The following LDLRAD4 variants were observed in gnomAD, a reference collection of about 807,000 sequenced individuals.
LDLRAD4 encodes the protein low density lipoprotein receptor class A domain containing 4, also known as low-density lipoprotein receptor class A domain-containing protein 4.
A neutral mutation model predicts 17.0 loss-of-function variants in LDLRAD4; 5 were observed. The observed-to-expected ratio is 0.29, with a 90% confidence interval of 0.15 to 0.62. The LOEUF (loss-of-function observed/expected upper bound fraction) is 0.62. Ranked by LOEUF, LDLRAD4 falls within the 20% of genes least tolerant of loss-of-function variation. The pLI is 0.84. For synonymous variants in LDLRAD4, 168 were observed against 171.8 expected (o/e 0.98, Z 0.17); for missense variants, 340 against 424.7 (o/e 0.80, Z 1.75).
At chr18:13,430,357 C>G (rs9960108) in intron 2 of LDLRAD4, among the ~76,000 whole-genome samples, 64,817 of 152,012 alleles carry the variant, frequency 0.43, 14,527 homozygotes, top group Non-Finnish European at 0.5. Flanking sequence ...GAAGGTTATG[C>G]GAGGTTAGTC....
At chr18:13,567,335 C>T (rs952998618) in intron 3 of LDLRAD4, among the ~76,000 whole-genome samples, 17 of 152,194 alleles carry the variant, frequency 1.1e-4, no homozygotes, top group Admixed American at 1.1e-3. Flanking sequence ...AGTAGCTGGA[C>T]TGAAGGCAGA....
intron 3 of LDLRAD4, among the ~76,000 whole-genome samples, chr18:13,606,819 C>T (rs1221715077): frequency 6.6e-6 from 1 of 152,154 alleles, no homozygotes; most frequent in Non-Finnish European, 1.5e-5. Context: ...AATTTTATAG[C>T]ATAGTCGTAA....
intron 2 of LDLRAD4, chr18:13,419,522 G>A (rs764527644): frequency 1.3e-5 from 2 of 152,080 alleles, no homozygotes; most frequent in Non-Finnish European, 2.9e-5. Context: ...AGTTCTTTAC[G>A]TGAATGATTT....
chr18:13,298,515 C>T (rs1488738091), intron 1 of LDLRAD4, among the ~76,000 whole-genome samples: 2 of 109,710 alleles, frequency 1.8e-5, no homozygotes, highest in Non-Finnish European at 3.5e-5. Flanking sequence ...GCTCTGGGCA[C>T]GGTGATGGGA....
At chr18:13,478,069 A>G (rs2092991088) in intron 3 of LDLRAD4, among the ~76,000 whole-genome samples, 1 of 152,178 alleles carries the variant, frequency 6.6e-6, no homozygotes, top group South Asian at 2.1e-4. Context: ...AAGAGTGGCA[A>G]GACAGTGTAT....
intron 1 of LDLRAD4, among the ~76,000 whole-genome samples, chr18:13,244,255 C>T (rs561165592): frequency 1.3e-5 from 2 of 151,276 alleles, no homozygotes; most frequent in African/African-American, 4.9e-5. Flanking sequence ...CTCACCCACT[C>T]ATTCTTCTAT....
intron 1 of LDLRAD4, among the ~76,000 whole-genome samples, chr18:13,219,616 T>C (rs2041339267): frequency 6.6e-6 from 1 of 152,138 alleles, no homozygotes; most frequent in African/African-American, 2.4e-5. Context: ...TTATTTGCAG[T>C]AGAGGTGGAT....
At chr18:13,256,814 C>A (rs986290223) in intron 1 of LDLRAD4, among the ~76,000 whole-genome samples, 1 of 152,192 alleles carries the variant, frequency 6.6e-6, no homozygotes, top group African/African-American at 2.4e-5. Flanking sequence ...ATGGAGGGAG[C>A]CCAGGCACGT....
intron 2 of LDLRAD4, among the ~76,000 whole-genome samples, chr18:13,390,301 G>A (rs188481845): frequency 2.0e-5 from 3 of 152,332 alleles, no homozygotes; most frequent in South Asian, 2.1e-4. Context: ...AGTGTGCCGG[G>A]AGCCGTGCTC....
At chr18:13,347,461 C>G (rs533807786) in intron 1 of LDLRAD4, among the ~76,000 whole-genome samples, 1 of 152,296 alleles carries the variant, frequency 6.6e-6, no homozygotes, top group East Asian at 1.9e-4. Flanking sequence ...TGATGGGCTT[C>G]CCTTTGTGGG....
intron 1 of LDLRAD4, among the ~76,000 whole-genome samples, chr18:13,382,944 T>A (rs890531128): frequency 6.6e-6 from 1 of 152,244 alleles, no homozygotes. Context: ...TGAGGGCATT[T>A]AAGTCAATGA....
At chr18:13,477,755 C>T (rs192116660) in intron 3 of LDLRAD4, among the ~76,000 whole-genome samples, 28 of 152,228 alleles carry the variant, frequency 1.8e-4, no homozygotes, top group Admixed American at 1.5e-3. Flanking sequence ...GAGCCATGTT[C>T]GCATTTTGGA....
At chr18:13,497,625 A>T (rs2093498809) in intron 3 of LDLRAD4, among the ~76,000 whole-genome samples, 1 of 152,176 alleles carries the variant, frequency 6.6e-6, no homozygotes, top group African/African-American at 2.4e-5. Context: ...GTTCACTAAG[A>T]CTTTGTAAGA....
chr18:13,529,111 T>A (rs748375509), intron 3 of LDLRAD4, among the ~76,000 whole-genome samples: 1 of 152,178 alleles, frequency 6.6e-6, no homozygotes, highest in Non-Finnish European at 1.5e-5. Flanking sequence ...AGATTAAAGA[T>A]GTGTAGGGAG....
chr18:13,473,638 TATATA>T (rs1236045825), intron 3 of LDLRAD4, among the ~76,000 whole-genome samples: 26 of 31,444 alleles, frequency 8.3e-4, no homozygotes, highest in Middle Eastern at 0.018. Context: ...TCCCATCTCA[TATATA>T]TATATATATA....
At chr18:13,644,882 C>T (rs2042930210) in intron 5 of LDLRAD4, 1 of 503,302 alleles carries the variant, frequency 2.0e-6, no homozygotes, top group East Asian at 3.3e-5. Context: ...TTACCCACAG[C>T]TCTCCATTGC....
chr18:13,642,384 G>A, intron 4 of LDLRAD4: 1 of 1,053,262 alleles, frequency 9.5e-7, no homozygotes, highest in Non-Finnish European at 1.1e-6. Context: ...GGGCTGAAAA[G>A]GGTACCACGC....
chr18:13,596,789 C>A (rs2095101508), intron 3 of LDLRAD4, among the ~76,000 whole-genome samples: 1 of 152,182 alleles, frequency 6.6e-6, no homozygotes, highest in East Asian at 1.9e-4. Context: ...ATTTGAGTTA[C>A]CATCTGGTAC....
chr18:13,387,833 A>T, intron 2 of LDLRAD4, 71 bp downstream of exon 3: 1 of 1,381,964 alleles, frequency 7.2e-7, no homozygotes, highest in Non-Finnish European at 1.0e-6. Context: ...AAACCACTGC[A>T]TGCAGTGAAC....
Sources: allele counts gnomAD v4.1 joint callset (sites outside exome capture counted in the v4.1 genomes callset), GRCh38; gene constraint gnomAD v4.1.1; transcripts MANE v1.5; gene names NCBI Gene and HGNC (gene_info 2026-07-23, HGNC 2026-07-21).